RHOBTB1: variants seen among roughly 807,000 people sequenced by gnomAD.
RHOBTB1 encodes the protein rho-related BTB domain-containing protein 1.
In RHOBTB1, 40 loss-of-function variants were observed where a neutral mutation model predicts 71.6. The observed-to-expected ratio is 0.56, with a 90% CI of 0.43 to 0.73. RHOBTB1 has a LOEUF of 0.73. Ranked by LOEUF, RHOBTB1 falls within the 30% of genes least tolerant of loss-of-function variation. The pLI, the probability that RHOBTB1 is intolerant of heterozygous loss-of-function variation, is 0.00. For synonymous variants in RHOBTB1, 319 were observed against 334.9 expected, an observed-to-expected ratio of 0.95 and a Z score of 0.52; for missense variants, 797 against 894.0, an observed-to-expected ratio of 0.89 and a Z score of 1.38.
At chr10:60,897,512 A>G (rs2082215525) in intron 4 of RHOBTB1, among the ~76,000 whole-genome samples, 1 of 152,096 alleles carries the variant, frequency 6.6e-6, no homozygotes, top group Admixed American at 6.5e-5. Flanking sequence ...TAATTCTGAC[A>G]TTATCTTTTT....
intron 2 of RHOBTB1, among the ~76,000 whole-genome samples, chr10:60,915,270 A>T (rs2083210208): frequency 6.6e-6 from 1 of 152,200 alleles, no homozygotes; most frequent in Non-Finnish European, 1.5e-5. Context: ...GTGTACTCTT[A>T]GGACCATCTG....
In RHOBTB1 at chr10:60,902,888, G is replaced by A. The variant is rs767856544; in HGVS notation, c.296+7999C>T. ...TTTGTCAACTCGTTCAACTAACATC[G>A]ATCAAGCTCCTACAAGACACCAGGC... On this transcript the variant is annotated intron_variant, in intron 4 of 10. Coordinates refer to ENST00000337910, the MANE Select transcript of RHOBTB1 (RefSeq NM_014836.5). Among the ~76,000 whole-genome samples the A allele has an allele frequency of 7.2e-5, 11 of 152,230 alleles. No homozygotes were observed. In the South Asian group the frequency reaches 2.3e-3, roughly 32 times the overall value.
Position 60,976,640 on chromosome 10 carries a change from C to T in RHOBTB1, c.-62+9205G>A, listed in dbSNP as rs192228536. Among the ~76,000 whole-genome samples the T allele has an allele frequency of 1.4e-4, 21 of 151,962 alleles. No homozygotes were observed. In the East Asian group the frequency reaches 3.3e-3, roughly 24 times the overall value. ...AATTAAGTAGACATTGTCCAACAGA[C>T]CCGATAGGAAATCACACATTTAAAA... On this transcript the variant is annotated intron_variant, in intron 2 of 11. Coordinates refer to the RHOBTB1 transcript ENST00000357917.
chr10:60,934,367 A>T (rs562874354), intron 2 of RHOBTB1, among the ~76,000 whole-genome samples: 1 of 152,314 alleles, frequency 6.6e-6, no homozygotes, highest in South Asian at 2.1e-4. Flanking sequence ...AAAGGAACTA[A>T]TACCTCAATA....
intron 2 of RHOBTB1, among the ~76,000 whole-genome samples, chr10:60,921,726 G>A (rs571802639): frequency 6.6e-6 from 1 of 152,336 alleles, no homozygotes; most frequent in African/African-American, 2.4e-5. Context: ...CAGAGAACTT[G>A]CATGCAGCTA....
At chr10:60,895,098 C>T (rs2082099089) in intron 4 of RHOBTB1, among the ~76,000 whole-genome samples, 1 of 152,138 alleles carries the variant, frequency 6.6e-6, no homozygotes, top group South Asian at 2.1e-4. Context: ...TGCCATCACA[C>T]AATACAGGTC....
At chr10:60,951,167 G>T (rs1307348539) in intron 2 of RHOBTB1, among the ~76,000 whole-genome samples, 3 of 152,158 alleles carry the variant, frequency 2.0e-5, no homozygotes, top group Non-Finnish European at 4.4e-5. Context: ...CAAAGCTTTT[G>T]AAGTAATTTA....
intron 1 of RHOBTB1, among the ~76,000 whole-genome samples, chr10:60,992,429 G>C (rs536136055): frequency 6.6e-6 from 1 of 152,312 alleles, no homozygotes; most frequent in South Asian, 2.1e-4. Context: ...AAAGTCCACA[G>C]ACATGCTGGA....
the RHOBTB1 span, among the ~76,000 whole-genome samples, chr10:60,864,256 G>A: frequency 6.6e-6 from 1 of 152,120 alleles, no homozygotes; most frequent in Non-Finnish European, 1.5e-5. Flanking sequence ...CATAAGGCGC[G>A]GTTGTGGGAA....
At chr10:60,894,736 T>C (rs764499861) in intron 4 of RHOBTB1, among the ~76,000 whole-genome samples, 2 of 152,204 alleles carry the variant, frequency 1.3e-5, no homozygotes, top group Non-Finnish European at 1.5e-5. Flanking sequence ...GGTTCAAAAT[T>C]ATACAAAAAG....
intron 1 of RHOBTB1, among the ~76,000 whole-genome samples, chr10:60,996,212 A>G (rs956242751): frequency 2.6e-5 from 4 of 152,182 alleles, no homozygotes; most frequent in African/African-American, 9.7e-5. Flanking sequence ...TTACATATCA[A>G]TGAAGACTCT....
At chr10:60,928,129 T>C (rs1421457175) in intron 2 of RHOBTB1, among the ~76,000 whole-genome samples, 4 of 152,178 alleles carry the variant, frequency 2.6e-5, no homozygotes, top group African/African-American at 9.7e-5. Flanking sequence ...AGATATAATC[T>C]CACCGCAGTT....
At chr10:60,972,449 A>G (rs2086189420) in intron 2 of RHOBTB1, among the ~76,000 whole-genome samples, 2 of 152,250 alleles carry the variant, frequency 1.3e-5, no homozygotes, top group Admixed American at 1.3e-4. Flanking sequence ...AAAACCAAAC[A>G]TCGCATGTTC....
intron 8 of RHOBTB1, chr10:60,877,072 A>C (rs1229803077): frequency 6.6e-6 from 1 of 152,226 alleles, no homozygotes; most frequent in African/African-American, 2.4e-5. Context: ...CCAGCTTGCA[A>C]CTTAACTCCT....
intron 1 of RHOBTB1, among the ~76,000 whole-genome samples, chr10:60,990,880 G>A (rs577642970): frequency 6.6e-6 from 1 of 152,192 alleles, no homozygotes; most frequent in Non-Finnish European, 1.5e-5. Context: ...ATAATCCAAT[G>A]TCTGTCTGCT....
At chr10:60,914,148 A>G (rs1196310309) in intron 2 of RHOBTB1, among the ~76,000 whole-genome samples, 2 of 152,120 alleles carry the variant, frequency 1.3e-5, no homozygotes. Context: ...CAGAAACAAG[A>G]TGTGGTGTAG....
chr10:60,997,387 C>T (rs2087094984), intron 1 of RHOBTB1, among the ~76,000 whole-genome samples: 1 of 152,172 alleles, frequency 6.6e-6, no homozygotes, highest in African/African-American at 2.4e-5. Context: ...TGCATAATGG[C>T]TCCAAGCAAT....
intron 2 of RHOBTB1, among the ~76,000 whole-genome samples, chr10:60,949,397 T>C (rs1381246391): frequency 6.6e-6 from 1 of 152,182 alleles, no homozygotes. Context: ...TGCACTTGGG[T>C]AAAAGTGAAA....
At chr10:60,984,583 G>C (rs1026922597) in intron 2 of RHOBTB1, among the ~76,000 whole-genome samples, 4 of 152,096 alleles carry the variant, frequency 2.6e-5, no homozygotes, top group African/African-American at 9.7e-5. Context: ...AATTACTTTG[G>C]GGACTAATAG....
Sources: gnomAD v4.1 joint callset for allele counts (sites outside exome capture counted in the v4.1 genomes callset) on GRCh38, gnomAD v4.1.1 for gene constraint, MANE v1.5 for transcripts, NCBI Gene and HGNC (gene_info 2026-07-23, HGNC 2026-07-21) for gene names.